Variants in NOL4 observed in about 807,000 individuals in gnomAD.
The protein encoded by NOL4 is nucleolar protein 4.
A neutral mutation model predicts 75.9 loss-of-function variants in NOL4; 17 were observed. That is an observed-to-expected ratio of 0.22 (90% CI 0.15 to 0.34). The LOEUF (loss-of-function observed/expected upper bound fraction) is 0.34, where lower values mean the gene tolerates loss of function less well. Ranked by LOEUF, NOL4 falls within the 10% of genes least tolerant of loss-of-function variation. The pLI is 1.00. For missense variants in NOL4, 614 were observed against 793.5 expected, an observed-to-expected ratio of 0.77 and a Z score of 2.72; for synonymous variants, 292 against 289.9, an observed-to-expected ratio of 1.01 and a Z score of -0.07.
chr18:34,134,028 A>G (rs1308841256), intron 1 of NOL4, among the ~76,000 whole-genome samples: 2 of 152,110 alleles, frequency 1.3e-5, no homozygotes, highest in African/African-American at 4.8e-5. Flanking sequence ...GCCTCAAAAT[A>G]TATATATACT....
At chr18:34,012,298 G>A (rs978143808) in intron 6 of NOL4, among the ~76,000 whole-genome samples, 3 of 151,520 alleles carry the variant, frequency 2.0e-5, no homozygotes, top group African/African-American at 7.3e-5. Flanking sequence ...AGTAATGTGG[G>A]TATTTATTCA....
At chr18:33,880,885 A>T (rs2064225167) in intron 10 of NOL4, among the ~76,000 whole-genome samples, 1 of 152,056 alleles carries the variant, frequency 6.6e-6, no homozygotes, top group South Asian at 2.1e-4. Context: ...CAGAGACAGC[A>T]ACAAAAGCGG....
chr18:33,878,488 C>T (rs1250456800), intron 10 of NOL4, among the ~76,000 whole-genome samples: 1 of 152,052 alleles, frequency 6.6e-6, no homozygotes, highest in African/African-American at 2.4e-5. Context: ...TAATTCTCTA[C>T]AGTCAATGCC....
chr18:34,013,715 G>A (rs2074514420), intron 6 of NOL4, among the ~76,000 whole-genome samples: 1 of 151,916 alleles, frequency 6.6e-6, no homozygotes, highest in South Asian at 2.1e-4. Context: ...GCCTAGAGGA[G>A]ACTCACACAC....
intron 6 of NOL4, among the ~76,000 whole-genome samples, chr18:34,016,820 G>A (rs1458426739): frequency 6.6e-6 from 1 of 152,064 alleles, no homozygotes; most frequent in South Asian, 2.1e-4. Flanking sequence ...CAGGAATCTT[G>A]CTCTTCTCAT....
chr18:34,019,424 G>C lies in NOL4; in HGVS notation c.950C>G (p.Ser317Trp). The change falls in exon 6 of 11, where the codon TCG (serine) becomes TGG (tryptophan). Residue 317 changes from serine to tryptophan, a missense_variant. Physicochemically the swap from Ser to Trp is radical, Grantham distance 177 (BLOSUM62 -3). This residue lies in a region of NOL4 where 196 missense variants were observed against 167.9 expected (regional missense o/e 1.17). Transcript: ENST00000261592. The part of the protein sequence containing the change: ...SDSPLSAQLT[S>W]EYRIDDHNSN... ...GTTGTGATCATCTATTCTGTATTCC[G>C]AAGTTAGCTGCGCAGAGAGGGGACT... is the stretch of plus-strand genomic sequence containing the variant. 3 of 1,613,824 alleles carry C rather than the reference G, an allele frequency of 1.9e-6. No homozygotes were observed. In the East Asian group the frequency reaches 6.7e-5, roughly 36 times the overall value.
At position 33,865,836 on chromosome 18, in the gene NOL4, C is replaced by T. The variant is rs373328098; in HGVS notation, c.1724-12801G>A. ...TTGTGCTTTCAAACACTTAACTCCT[C>T]CTGATGTCATTAAGTTTACACTTCT... On this transcript the variant is annotated intron_variant, in intron 10 of 10. Coordinates refer to ENST00000261592, the MANE Select transcript of NOL4 (RefSeq NM_003787.5). 9.9e-5 allele frequency among the ~76,000 whole-genome samples: 15 copies of T among 152,230 alleles called. 1 individual carries two copies. The East Asian group carries it at 2.7e-3, about 27-fold the overall frequency.
intron 5 of NOL4, among the ~76,000 whole-genome samples, chr18:34,023,182 C>G (rs1490947549): frequency 1.3e-5 from 2 of 152,070 alleles, no homozygotes; most frequent in Non-Finnish European, 2.9e-5. Context: ...ACAACACTGT[C>G]CTATAAATCC....
At chr18:34,221,369 C>A (rs2146643494) in intron 1 of NOL4, 1 of 152,278 alleles carries the variant, frequency 6.6e-6, no homozygotes, top group Non-Finnish European at 1.5e-5. Flanking sequence ...TTTTCTACAT[C>A]ATTTCTTGAT....
intron 1 of NOL4, among the ~76,000 whole-genome samples, chr18:34,142,340 C>A (rs1309920001): frequency 6.6e-6 from 1 of 152,140 alleles, no homozygotes; most frequent in Non-Finnish European, 1.5e-5. Flanking sequence ...GGGATATACC[C>A]AAAGGATTAT....
intron 1 of NOL4, among the ~76,000 whole-genome samples, chr18:34,220,322 T>C (rs968246975): frequency 6.6e-6 from 1 of 152,284 alleles, no homozygotes; most frequent in Admixed American, 6.5e-5. Flanking sequence ...TGTCTAATTA[T>C]CAGCAGCAGT....
intron 5 of NOL4, among the ~76,000 whole-genome samples, chr18:34,028,290 C>A (rs948432777): frequency 3.3e-5 from 5 of 152,232 alleles, no homozygotes; most frequent in Non-Finnish European, 5.9e-5. Context: ...AAACAGGGAA[C>A]ATTTACTGAG....
At chr18:34,193,158 C>T (rs2035045035) in intron 1 of NOL4, among the ~76,000 whole-genome samples, 1 of 152,024 alleles carries the variant, frequency 6.6e-6, no homozygotes, top group African/African-American at 2.4e-5. Context: ...TGTAAAACTG[C>T]AAGAGAAAAA....
At chr18:33,876,041 A>G (rs570767425) in intron 10 of NOL4, among the ~76,000 whole-genome samples, 1 of 152,138 alleles carries the variant, frequency 6.6e-6, no homozygotes, top group South Asian at 2.1e-4. Flanking sequence ...GAGGAAGAAT[A>G]TATCTCTTTT....
chr18:34,102,836 A>G (rs571212601), intron 4 of NOL4, among the ~76,000 whole-genome samples: 10 of 152,128 alleles, frequency 6.6e-5, no homozygotes, highest in African/African-American at 2.4e-4. Context: ...GAAGGACATT[A>G]GTATTTTCTT....
intron 2 of NOL4, among the ~76,000 whole-genome samples, chr18:34,121,058 A>T (rs2080119094): frequency 6.6e-6 from 1 of 152,256 alleles, no homozygotes; most frequent in Non-Finnish European, 1.5e-5. Flanking sequence ...GAATTCTTAT[A>T]TTAGATGAAA....
chr18:34,030,512 G>C (rs1275687162), intron 5 of NOL4, among the ~76,000 whole-genome samples: 1 of 152,046 alleles, frequency 6.6e-6, no homozygotes, highest in Non-Finnish European at 1.5e-5. Context: ...TATACTCTTT[G>C]GTAATCAAAG....
chr18:33,883,247 T>C lies in NOL4; in HGVS notation c.1720A>G (p.Ser574Gly), dbSNP rs756092673. 4 of 1,588,436 alleles carry C rather than the reference T, an allele frequency of 2.5e-6. No homozygotes were observed. Among genetic ancestry groups the C allele is most frequent in the Non-Finnish European group, 1.7e-6 (2 of 1,170,554 alleles). The change falls in exon 10 of 11, where the codon AGT (serine) becomes GGT (glycine). Residue 574 changes from serine to glycine, a missense_variant. Transcript: ENST00000261592. ...GLLNLNDASS[S>G]GPTDLSMKRQ... Reference sequence around the variant, plus strand: ...ACAATCTATGATAAATACTCACCACTGCTGGAAGCATCATTCAGATTTAGC... The same window carrying C: ...ACAATCTATGATAAATACTCACCACCGCTGGAAGCATCATTCAGATTTAGC...
chr18:33,938,392 C>A (rs1356058604), intron 9 of NOL4, among the ~76,000 whole-genome samples: 1 of 151,974 alleles, frequency 6.6e-6, no homozygotes, highest in Non-Finnish European at 1.5e-5. Context: ...AATATTTTTC[C>A]CACCAACCGT....
Sources: allele counts gnomAD v4.1 joint callset (sites outside exome capture counted in the v4.1 genomes callset), GRCh38; gene constraint gnomAD v4.1.1; regional missense constraint gnomAD v4.1.1; transcripts MANE v1.5; gene names NCBI Gene and HGNC (gene_info 2026-07-23, HGNC 2026-07-21).